DCAF6: variants seen among roughly 807,000 people sequenced by gnomAD.
The protein encoded by DCAF6 is DDB1 and CUL4 associated factor 6, also known as DDB1- and CUL4-associated factor 6.
A neutral mutation model predicts 125.1 loss-of-function variants in DCAF6; 54 were observed. The ratio of observed to expected loss-of-function variants is 0.43; its 90% confidence interval spans 0.35 to 0.54. The LOEUF is 0.54. Among genes scored for constraint, DCAF6 ranks in the 20% least tolerant of loss-of-function variants. The pLI, the probability that DCAF6 is intolerant of heterozygous loss-of-function variation, is 0.01. For synonymous variants in DCAF6, 371 were observed against 390.4 expected, an observed-to-expected ratio of 0.95 and a Z score of 0.58; for missense variants, 934 against 1,161.7, an observed-to-expected ratio of 0.80 and a Z score of 2.85.
chr1:168,044,532 G>A, intron 14 of DCAF6, 53 bp from the exon 15 acceptor site: 1 of 1,339,790 alleles, frequency 7.5e-7, no homozygotes, highest in African/African-American at 1.4e-5. Flanking sequence ...AGCGATTTTA[G>A]AACTAATCCC....
rs941866028 is a variant in DCAF6 at position 168,016,072 on chromosome 1, C to T, written c.1549+121C>T. On this transcript the variant is annotated intron_variant, in intron 11 of 21. Transcript: ENST00000367840. ...GAGCTAATGCGCTTGCAGCTTACCC[C>T]TCCTTTCCTTGCATATGGGTGGTAT... The T allele has an allele frequency of 1.1e-5, 9 of 830,986 alleles. No individual in the cohort carries two copies. The African/African-American group carries it at 1.9e-4, about 18-fold the overall frequency. 51.5% of individuals were successfully genotyped at this position (830,986 alleles called of 1,614,324 possible).
At chr1:167,973,783 G>A (rs1180215454) in intron 3 of DCAF6, among the ~76,000 whole-genome samples, 1 of 152,056 alleles carries the variant, frequency 6.6e-6, no homozygotes, top group Admixed American at 6.5e-5. Context: ...CTGTTATGGG[G>A]ATATACTGTA....
At chr1:167,870,385 G>C in the DCAF6 span, 1 of 1,611,054 alleles carries the variant, frequency 6.2e-7, no homozygotes, top group Non-Finnish European at 8.5e-7. Context: ...TAGTATACAT[G>C]AAGTAGTTGA....
chr1:167,866,261 G>A, the DCAF6 span, among the ~76,000 whole-genome samples: 2 of 152,152 alleles, frequency 1.3e-5, no homozygotes, highest in Non-Finnish European at 2.9e-5. Context: ...TAAAGCGAGA[G>A]AAGCCCCCTT....
At chr1:167,867,861 T>C in the DCAF6 span, among the ~76,000 whole-genome samples, 2 of 152,082 alleles carry the variant, frequency 1.3e-5, no homozygotes, top group African/African-American at 4.8e-5. Flanking sequence ...ATTACTGGTC[T>C]TGTGTCATCT....
chr1:168,048,014 T>G (rs989005180), intron 16 of DCAF6, among the ~76,000 whole-genome samples: 1 of 152,178 alleles, frequency 6.6e-6, no homozygotes, highest in African/African-American at 2.4e-5. Context: ...TCAATTTAGC[T>G]GACTTTTATT....
At chr1:167,870,260 T>C in the DCAF6 span, 3 of 1,614,088 alleles carry the variant, frequency 1.9e-6, no homozygotes, top group South Asian at 3.3e-5. Context: ...CACTCACCTG[T>C]GATTCTTACC....
intron 12 of DCAF6, among the ~76,000 whole-genome samples, chr1:168,036,737 C>G (rs1196531411): frequency 6.6e-6 from 1 of 152,114 alleles, no homozygotes; most frequent in Non-Finnish European, 1.5e-5. Context: ...TATCAGAATG[C>G]CATTTGGTAA....
At chr1:168,006,503 T>C (rs1683359135) in intron 10 of DCAF6, among the ~76,000 whole-genome samples, 1 of 152,210 alleles carries the variant, frequency 6.6e-6, no homozygotes, top group African/African-American at 2.4e-5. Context: ...CTGAAGGTTA[T>C]GACTGTAGTT....
the DCAF6 span, among the ~76,000 whole-genome samples, chr1:167,874,126 G>A: frequency 3.9e-5 from 6 of 152,174 alleles, no homozygotes; most frequent in Non-Finnish European, 7.3e-5. Context: ...GAAGTTAGGA[G>A]ATCAAGACCA....
the DCAF6 span, among the ~76,000 whole-genome samples, chr1:167,892,417 G>A: frequency 3.3e-5 from 5 of 152,174 alleles, no homozygotes; most frequent in African/African-American, 1.2e-4. Flanking sequence ...GTAAAAGGTT[G>A]TCTTTGGTCT....
chr1:168,010,377 G>A (rs964246388), intron 10 of DCAF6, among the ~76,000 whole-genome samples: 1 of 152,084 alleles, frequency 6.6e-6, no homozygotes, highest in Admixed American at 6.5e-5. Flanking sequence ...TGAATGCCCT[G>A]AAGAATGGTA....
At chr1:167,954,845 C>A (rs1347817950) in intron 2 of DCAF6, among the ~76,000 whole-genome samples, 1 of 152,172 alleles carries the variant, frequency 6.6e-6, no homozygotes. Flanking sequence ...TAAACATACA[C>A]AAAGTCATCA....
At chr1:167,953,100 T>C (rs1349779550) in intron 2 of DCAF6, among the ~76,000 whole-genome samples, 2 of 152,210 alleles carry the variant, frequency 1.3e-5, no homozygotes, top group Non-Finnish European at 2.9e-5. Context: ...TTTAATAATA[T>C]TGACTGTTTT....
the DCAF6 span, among the ~76,000 whole-genome samples, chr1:167,898,229 ACT>A: frequency 2.6e-5 from 4 of 151,474 alleles, no homozygotes; most frequent in East Asian, 1.9e-4. Flanking sequence ...ATATATGGAA[ACT>A]CTGTATTATT....
intron 21 of DCAF6, among the ~76,000 whole-genome samples, chr1:168,071,201 T>C (rs535544585): frequency 2.0e-5 from 3 of 152,376 alleles, no homozygotes; most frequent in Admixed American, 6.5e-5. Context: ...TTTTTGTTAA[T>C]GGCCAGATAT....
chr1:167,970,731 C>T (rs202246), intron 3 of DCAF6, among the ~76,000 whole-genome samples: 103 of 152,088 alleles, frequency 6.8e-4, no homozygotes, highest in African/African-American at 2.3e-3. Context: ...GAGTCAAATA[C>T]TACCTGTTTT....
At chr1:167,923,955 C>A in the DCAF6 span, among the ~76,000 whole-genome samples, 119 of 152,296 alleles carry the variant, frequency 7.8e-4, 1 homozygote, top group South Asian at 0.023. Flanking sequence ...AAACAGCCAC[C>A]ACAATTGTTT....
At chr1:167,889,676 A>C in the DCAF6 span, among the ~76,000 whole-genome samples, 1 of 152,210 alleles carries the variant, frequency 6.6e-6, no homozygotes, top group Non-Finnish European at 1.5e-5. Context: ...CTTTGGTAGA[A>C]TTCAGCAGTG....
Sources: gnomAD v4.1 joint callset for allele counts (sites outside exome capture counted in the v4.1 genomes callset) on GRCh38, gnomAD v4.1.1 for gene constraint, MANE v1.5 for transcripts, NCBI Gene and HGNC (gene_info 2026-07-23, HGNC 2026-07-21) for gene names.